RELB: variants seen among roughly 807,000 people sequenced by gnomAD.
RELB encodes the protein RELB proto-oncogene, NF-kB subunit.
RELB carries 14 observed loss-of-function variants against 55.4 expected under a neutral mutation model. The ratio of observed to expected loss-of-function variants is 0.25; its 90% CI spans 0.17 to 0.40. The LOEUF (loss-of-function observed/expected upper bound fraction) is 0.40, where lower values mean the gene tolerates loss of function less well. RELB is among the 10% of genes least tolerant of loss of function. The pLI is 1.00. For missense variants in RELB, 669 were observed against 830.7 expected (o/e 0.81, Z 2.39); for synonymous variants, 409 against 371.3 (o/e 1.10, Z -1.17).
Position 45,025,733 on chromosome 19 carries a change from C to T in RELB, c.882C>T (p.Asp294=). 1 of 1,613,932 alleles carries T rather than the reference C, an allele frequency of 6.2e-7. No homozygotes were observed. The highest frequency in any genetic ancestry group is 1.1e-5 in the South Asian group (1 of 91,078). ...CTGTGCTTTCCGAGCCCGTCTATGA[C>T]AAGAGTGAGTTGAGAGTGCTGTGGC... ...MDPVLSEPVY[D]KKSTNTSELR... The change falls in exon 7 of 12, where the codon GAC becomes GAT. Residue 294 remains aspartate (D), a synonymous_variant. Coordinates refer to ENST00000221452, the MANE Select transcript of RELB (RefSeq NM_006509.4).
chr19:45,037,613 C>A lies in RELB; in HGVS notation c.1563C>A (p.Ala521=), dbSNP rs199742203. The change falls in exon 12 of 12, where the codon GCC becomes GCA. Residue 521 remains alanine (A), a synonymous_variant. Coordinates refer to ENST00000221452, the MANE Select transcript of RELB (RefSeq NM_006509.4). The stretch of plus-strand genomic sequence containing the variant: ...GCGCTGTTGTGTGCAGCGGAGGTGC[C>A]GGGGCCGTGGTTGGGGAGACCCCCG... The part of the protein sequence containing the change: ...HASAVVCSGG[A]GAVVGETPGP... 6.2e-7 allele frequency: 1 copy of A among 1,604,076 alleles called. No individual in the cohort carries two copies. The highest frequency in any genetic ancestry group is 1.7e-5 in the Admixed American group (1 of 58,256).
At chr19:45,013,801 C>T (rs1339866699) in intron 4 of RELB, among the ~76,000 whole-genome samples, 5 of 151,750 alleles carry the variant, frequency 3.3e-5, no homozygotes, top group Admixed American at 6.6e-5. Context: ...CATTGCTCTC[C>T]GGCCTGAGCG....
Position 45,001,644 on chromosome 19 carries a change from G to T in RELB, c.65G>T (p.Arg22Leu), listed in dbSNP as rs1242125569. The T allele has an allele frequency of 1.3e-6, 2 of 1,523,658 alleles. No homozygotes were observed. The highest frequency in any genetic ancestry group is 1.8e-6 in the Non-Finnish European group (2 of 1,141,872). The allele number at this position is 1,523,658 out of a possible 1,614,324, so 94.4% of individuals were successfully genotyped here. The change falls in exon 1 of 12, where the codon CGC (arginine) becomes CTC (leucine). Residue 22 changes from arginine to leucine, a missense_variant. Coordinates refer to ENST00000221452, the MANE Select transcript of RELB (RefSeq NM_006509.4). ...ACTGGCCGGGCCATGCCGAGTCGCC[G>T]CGTCGCCAGACCGCCGGCTGCGCCG... ...VPTGRAMPSR[R>L]VARPPAAPEL...
At chr19:45,022,000 A>C in intron 4 of RELB, 53 bp from the exon 5 acceptor site, 1 of 1,539,878 alleles carries the variant, frequency 6.5e-7, no homozygotes, top group Admixed American at 1.9e-5. Flanking sequence ...AGGAGTTTGG[A>C]TGGACGCAGG....
At chr19:45,037,376 C>G (rs747174286) in intron 11 of RELB, 29 bp from the exon 12 acceptor site, 1 of 1,518,350 alleles carries the variant, frequency 6.6e-7, no homozygotes, top group African/African-American at 1.4e-5. Context: ...CTAAATCACA[C>G]TACACTTCTC....
chr19:45,033,416 G>A (rs1971648747), intron 9 of RELB, among the ~76,000 whole-genome samples: 2 of 152,106 alleles, frequency 1.3e-5, no homozygotes, highest in African/African-American at 4.8e-5. Context: ...CGGGCGCAGT[G>A]GCTCATGCCT....
chr19:45,035,872 G>A (rs1251396156), intron 11 of RELB, among the ~76,000 whole-genome samples: 1 of 152,176 alleles, frequency 6.6e-6, no homozygotes, highest in Non-Finnish European at 1.5e-5. Flanking sequence ...TCCAGGGATG[G>A]TCTGGTGACT....
chr19:45,002,986 C>T lies in RELB; in HGVS notation c.144C>T (p.Ser48=), dbSNP rs370989666. Residue 48 remains serine (S), a synonymous_variant, in exon 2 of 12, where the codon TCC becomes TCT. Transcript: ENST00000221452. ...PDLSSLSLAV[S]RSTDELEIID... Reference sequence around the variant, plus strand: ...TCTCCTCACTCTCGCTCGCCGTTTCCAGGAGCACAGGTGAGCAGCCCTCCA... The same window carrying T: ...TCTCCTCACTCTCGCTCGCCGTTTCTAGGAGCACAGGTGAGCAGCCCTCCA... 5.6e-6 allele frequency: 9 copies of T among 1,613,084 alleles called. No homozygotes were observed. The highest frequency in any genetic ancestry group is 3.3e-5 in the Admixed American group (2 of 59,890).
At chr19:45,037,301 C>A in intron 11 of RELB, 104 bp from the exon 12 acceptor site, 1 of 1,205,354 alleles carries the variant, frequency 8.3e-7, no homozygotes, top group Non-Finnish European at 1.1e-6. Context: ...AAAAAAAAGG[C>A]CACCTTGATA....
chr19:45,014,671 T>C (rs1359160950), intron 4 of RELB, among the ~76,000 whole-genome samples: 1 of 143,430 alleles, frequency 7.0e-6, no homozygotes, highest in East Asian at 2.2e-4. Flanking sequence ...GCACGCGCCA[T>C]GATGTCCGGC....
rs35867486 is a variant in RELB, at chr19:45,032,856, G to T, written c.1207+107G>T. On this transcript the variant is annotated intron_variant, in intron 9 of 11. Transcript: ENST00000221452. ...GAGGCAGAACTAGAATGCAGGCTCA[G>T]AGCTACAAAGACAGTGTTCAGATCC... is the stretch of plus-strand genomic sequence containing the variant. 2.0e-5 allele frequency: 18 copies of T among 909,054 alleles called. No homozygotes were observed. In the East Asian group the frequency reaches 4.8e-4, roughly 24 times the overall value. 56.3% of individuals were successfully genotyped at this position (909,054 alleles called of 1,614,324 possible).
intron 4 of RELB, 138 bp from the exon 5 acceptor site, chr19:45,021,915 C>T (rs1479903373): frequency 9.7e-6 from 8 of 828,602 alleles, no homozygotes; most frequent in African/African-American, 5.3e-5. Flanking sequence ...ATCCTGGTCG[C>T]GGGAGAAGGT....
intron 4 of RELB, among the ~76,000 whole-genome samples, chr19:45,012,690 T>C (rs920185975): frequency 6.0e-5 from 9 of 150,296 alleles, no homozygotes; most frequent in African/African-American, 2.0e-4. Context: ...TGAGCTGAGA[T>C]TGCACCATTG....
rs753160999 is a variant in RELB, at chr19:45,032,595, C to T, written c.1053C>T (p.Ala351=). 14 of 1,613,504 alleles carry T rather than the reference C, an allele frequency of 8.7e-6. No individual in the cohort carries two copies. Among genetic ancestry groups the T allele is most frequent in the Non-Finnish European group, 1.1e-5 (13 of 1,179,776 alleles). The change falls in exon 9 of 12, where the codon GCC becomes GCT. Residue 351 remains alanine (A), a synonymous_variant. Transcript: ENST00000221452. ...SWEGRADFSQ[A]DVHRQIAIVF... is the part of the protein sequence containing the mutation. ...AAGGTCGGGCTGACTTCTCCCAGGC[C>T]GACGTGCACCGCCAGATTGCCATTG...
At chr19:45,003,659 C>G (rs1600059696) in intron 2 of RELB, 4 of 511,874 alleles carry the variant, frequency 7.8e-6, no homozygotes, top group Admixed American at 4.0e-5. Flanking sequence ...CAAGTCAGTT[C>G]CCCAGTTCAG....
At chr19:45,031,195 T>C (rs1271935689) in intron 8 of RELB, among the ~76,000 whole-genome samples, 1 of 151,672 alleles carries the variant, frequency 6.6e-6, no homozygotes, top group Non-Finnish European at 1.5e-5. Context: ...CTTTCAAGCC[T>C]CAGTTTCCGT....
Position 45,038,117 on chromosome 19 carries a change from C to T in RELB, c.*327C>T, listed in dbSNP as rs987171222. ...TGGGAGGAGGGGGCAGATTCCTGGC[C>T]CTCCCTCCCCAGACTTGAAGGTGGG... On this transcript the variant is annotated 3_prime_UTR_variant, in exon 12 of 12. Coordinates refer to ENST00000221452, the MANE Select transcript of RELB (RefSeq NM_006509.4). 7.5e-6 allele frequency: 2 copies of T among 268,306 alleles called. No homozygotes were observed. Among genetic ancestry groups the T allele is most frequent in the Admixed American group, 5.4e-5 (1 of 18,628 alleles). 16.6% of individuals were successfully genotyped at this position (268,306 alleles called of 1,614,324 possible).
At chr19:45,010,485 T>C (rs1204294523) in intron 3 of RELB, among the ~76,000 whole-genome samples, 1 of 151,090 alleles carries the variant, frequency 6.6e-6, no homozygotes, top group Non-Finnish European at 1.5e-5. Context: ...AGCAAGATAA[T>C]GTTAGCCTGG....
At chr19:45,006,820 G>T (rs1294394426) in intron 2 of RELB, among the ~76,000 whole-genome samples, 4 of 151,840 alleles carry the variant, frequency 2.6e-5, no homozygotes, top group African/African-American at 9.7e-5. Context: ...AATTAGCTGG[G>T]TGTGGTGGCC....
Sources: allele counts gnomAD v4.1 joint callset (sites outside exome capture counted in the v4.1 genomes callset), GRCh38; gene constraint gnomAD v4.1.1; transcripts MANE v1.5; gene names NCBI Gene and HGNC (gene_info 2026-07-23, HGNC 2026-07-21).